The following SLC13A4 variants were observed in gnomAD, a reference collection of about 807,000 sequenced individuals.
SLC13A4 encodes the protein solute carrier family 13 member 4.
SLC13A4 carries 28 observed loss-of-function variants against 72.7 expected under a neutral mutation model. That is an observed-to-expected ratio of 0.39 (90% CI 0.29 to 0.53). The LOEUF is 0.53. SLC13A4 is among the 20% of genes least tolerant of loss of function. The probability of loss-of-function intolerance (pLI) is 0.78; values close to 1 mark genes in which losing one functional copy is unlikely to be tolerated. For synonymous variants in SLC13A4, 312 were observed against 325.5 expected, an observed-to-expected ratio of 0.96 and a Z score of 0.45; for missense variants, 653 against 788.0, an observed-to-expected ratio of 0.83 and a Z score of 2.05.
chr7:135,723,229 A>G (rs894460864), intron 1 of SLC13A4, among the ~76,000 whole-genome samples: 1 of 152,192 alleles, frequency 6.6e-6, no homozygotes, highest in Non-Finnish European at 1.5e-5. Flanking sequence ...GACTGAAGAC[A>G]GCCATCTATC....
At chr7:135,695,338 G>T in intron 9 of SLC13A4, 30 bp downstream of exon 9, 1 of 1,613,000 alleles carries the variant, frequency 6.2e-7, no homozygotes, top group Non-Finnish European at 8.5e-7. Context: ...GGGGGCTTCA[G>T]TGCTTTGCTG....
In SLC13A4 at chr7:135,718,101, A is replaced by G. The variant is rs1403968525; in HGVS notation, c.228+3294T>C. On this transcript the variant is annotated intron_variant, in intron 2 of 15. Coordinates refer to ENST00000682651, the MANE Select transcript of SLC13A4 (RefSeq NM_001318192.2). ...CACACACACACACGCGCGCGCGCGCACGCGTGCGCGCTAGTCTCCTCTTCG... is the reference window on the plus strand; with the variant it reads ...CACACACACACACGCGCGCGCGCGCGCGCGTGCGCGCTAGTCTCCTCTTCG... Among the ~76,000 whole-genome samples, 5 of 148,594 alleles carry G rather than the reference A, an allele frequency of 3.4e-5. No homozygotes were observed. In the East Asian group the frequency reaches 5.9e-4, roughly 17 times the overall value.
intron 7 of SLC13A4, among the ~76,000 whole-genome samples, 165 bp downstream of exon 7, chr7:135,701,515 T>G (rs1465976508): frequency 6.6e-6 from 1 of 152,190 alleles, no homozygotes; most frequent in Non-Finnish European, 1.5e-5. Flanking sequence ...GTGAGCTTGA[T>G]GTCTCACCTC....
At chr7:135,723,520 C>A (rs1796588603) in intron 1 of SLC13A4, among the ~76,000 whole-genome samples, 1 of 152,114 alleles carries the variant, frequency 6.6e-6, no homozygotes, top group African/African-American at 2.4e-5. Flanking sequence ...ATAGAAAATC[C>A]AAGTTGGCTG....
At chr7:135,715,054 G>A (rs1295974615) in intron 2 of SLC13A4, among the ~76,000 whole-genome samples, 1 of 134,526 alleles carries the variant, frequency 7.4e-6, no homozygotes, top group African/African-American at 3.0e-5. Flanking sequence ...GTATGAGTGT[G>A]TATGTGAATG....
At chr7:135,723,835 A>T (rs933793341) in intron 1 of SLC13A4, among the ~76,000 whole-genome samples, 2 of 151,938 alleles carry the variant, frequency 1.3e-5, no homozygotes, top group Non-Finnish European at 2.9e-5. Flanking sequence ...CCCCACTGAG[A>T]TGTTCTCTGG....
intron 2 of SLC13A4, among the ~76,000 whole-genome samples, chr7:135,715,435 GTA>G (rs1488316632): frequency 2.0e-5 from 3 of 151,152 alleles, no homozygotes; most frequent in Non-Finnish European, 4.4e-5. Context: ...GTGAGCGTGT[GTA>G]TGAGTGTGTG....
chr7:135,724,326 C>A (rs1002167416), intron 1 of SLC13A4, among the ~76,000 whole-genome samples: 1 of 152,042 alleles, frequency 6.6e-6, no homozygotes, highest in African/African-American at 2.4e-5. Flanking sequence ...GAAACCCTGT[C>A]TCTATTAAAA....
At chr7:135,711,562 T>C (rs1796300626) in intron 2 of SLC13A4, among the ~76,000 whole-genome samples, 2 of 151,974 alleles carry the variant, frequency 1.3e-5, no homozygotes, top group Admixed American at 6.6e-5. Context: ...AAACTGGGGG[T>C]TTAGGGAGCA....
chr7:135,722,571 C>T (rs1284454920), intron 1 of SLC13A4, among the ~76,000 whole-genome samples: 1 of 148,382 alleles, frequency 6.7e-6, no homozygotes, highest in Non-Finnish European at 1.5e-5. Context: ...GATTCATATA[C>T]GAACATTACA....
intron 2 of SLC13A4, among the ~76,000 whole-genome samples, chr7:135,713,647 G>A (rs987064828): frequency 2.0e-5 from 3 of 152,024 alleles, no homozygotes; most frequent in East Asian, 1.9e-4. Context: ...GCCTGATCTC[G>A]GCTCACTGCA....
chr7:135,725,371 A>G (rs1033798576), intron 1 of SLC13A4, among the ~76,000 whole-genome samples: 4 of 152,204 alleles, frequency 2.6e-5, no homozygotes, highest in African/African-American at 7.2e-5. Flanking sequence ...TAGCTTGGGC[A>G]GTTGAGATGC....
intron 8 of SLC13A4, among the ~76,000 whole-genome samples, chr7:135,698,023 T>A (rs112078333): frequency 6.6e-6 from 1 of 152,186 alleles, no homozygotes; most frequent in Non-Finnish European, 1.5e-5. Flanking sequence ...TTTCCTTTTT[T>A]AAATTTTTAT....
chr7:135,720,726 G>A (rs764001048), intron 2 of SLC13A4, among the ~76,000 whole-genome samples: 10 of 151,940 alleles, frequency 6.6e-5, no homozygotes, highest in Non-Finnish European at 1.3e-4. Context: ...CCCTACTCAT[G>A]GCAGGCTTAA....
Position 135,694,217 on chromosome 7 carries a change from C to T in SLC13A4, c.1041G>A (p.Leu347=), listed in dbSNP as rs374998063. The part of the protein sequence containing the change: ...LGCNFKETCS[L]SKKKKTKREQ... ...CCCTTTTGGTCTTCTTCTTCTTGCTCAGAGAGCAGGTCTCTTTAAAACTGA... is the reference window on the plus strand; with the variant it reads ...CCCTTTTGGTCTTCTTCTTCTTGCTTAGAGAGCAGGTCTCTTTAAAACTGA... The change falls in exon 10 of 16, where the codon CTG becomes CTA. Residue 347 remains leucine, a synonymous_variant. Transcript: ENST00000682651. The T allele has an allele frequency of 7.4e-6, 12 of 1,611,492 alleles. No individual in the cohort carries two copies. The highest frequency in any genetic ancestry group is 1.3e-5 in the African/African-American group (1 of 74,880).
chr7:135,694,071 C>T (rs1265200965), intron 10 of SLC13A4, 66 bp downstream of exon 10: 1 of 950,146 alleles, frequency 1.1e-6, no homozygotes, highest in Non-Finnish European at 1.7e-6. Context: ...CAGGGCTGCT[C>T]CTGTGCTCAC....
At chr7:135,693,099 C>CA (rs1795826352) in intron 10 of SLC13A4, 1 of 47,004 alleles carries the variant, frequency 2.1e-5, no homozygotes, top group Admixed American at 2.0e-4. Flanking sequence ...AGACTCCATC[C>CA]CAAAAAAAAA....
intron 13 of SLC13A4, among the ~76,000 whole-genome samples, chr7:135,686,462 A>G (rs1476987399): frequency 6.6e-6 from 1 of 151,992 alleles, no homozygotes; most frequent in Non-Finnish European, 1.5e-5. Context: ...TGCAGTCTCA[A>G]CCTCCTGGGT....
At chr7:135,701,458 G>A (rs1013085387) in intron 7 of SLC13A4, among the ~76,000 whole-genome samples, 3 of 152,176 alleles carry the variant, frequency 2.0e-5, no homozygotes, top group Admixed American at 6.5e-5. Flanking sequence ...AGCTTTTATC[G>A]TTGAAGACAC....
Sources: allele counts gnomAD v4.1 joint callset (sites outside exome capture counted in the v4.1 genomes callset), GRCh38; gene constraint gnomAD v4.1.1; transcripts MANE v1.5; gene names NCBI Gene and HGNC (gene_info 2026-07-23, HGNC 2026-07-21).